The following TMTC1 variants were observed in gnomAD, a reference collection of about 807,000 sequenced individuals.
The protein encoded by TMTC1 is transmembrane O-mannosyltransferase targeting cadherins 1, also known as protein O-mannosyl-transferase TMTC1.
Under a neutral mutation model 104.8 loss-of-function variants are expected in TMTC1, and 73 were observed. The observed-to-expected ratio is 0.70, with a 90% CI of 0.58 to 0.85. TMTC1 has a LOEUF of 0.85. Ranked by LOEUF, TMTC1 falls within the 40% of genes least tolerant of loss-of-function variation. The probability of loss-of-function intolerance (pLI) is 0.00; values close to 1 mark genes in which losing one functional copy is unlikely to be tolerated. For synonymous variants in TMTC1, 434 were observed against 428.7 expected, an observed-to-expected ratio of 1.01 and a Z score of -0.15; for missense variants, 1,035 against 1,096.1, an observed-to-expected ratio of 0.94 and a Z score of 0.79.
chr12:29,774,687 A>G (rs962080289), intron 1 of TMTC1, among the ~76,000 whole-genome samples: 1 of 152,152 alleles, frequency 6.6e-6, no homozygotes. Context: ...TCAACCAATA[A>G]ATAACAACAT....
At chr12:29,661,419 A>AT (rs773889232) in intron 5 of TMTC1, 29,029 of 369,778 alleles carry the variant, frequency 0.079, 178 homozygotes, top group African/African-American at 0.089. Context: ...AGGTTAAGTA[A>AT]TTTTTTTTTT....
chr12:29,598,134 C>A (rs1049033880), intron 7 of TMTC1, among the ~76,000 whole-genome samples: 2 of 152,158 alleles, frequency 1.3e-5, no homozygotes, highest in South Asian at 2.1e-4. Context: ...GATAGGGCTG[C>A]GTGGAGTCCT....
chr12:29,611,294 TACCTTTC>T (rs1946840559), intron 6 of TMTC1, among the ~76,000 whole-genome samples: 2 of 152,132 alleles, frequency 1.3e-5, no homozygotes, highest in South Asian at 4.1e-4. Context: ...CAACAGCAAT[TACCTTTC>T]AGAATTAAGT....
intron 5 of TMTC1, among the ~76,000 whole-genome samples, chr12:29,679,915 T>A (rs1025795446): frequency 6.6e-6 from 1 of 152,082 alleles, no homozygotes; most frequent in Non-Finnish European, 1.5e-5. Flanking sequence ...ATAAACTATA[T>A]AAAGTAGGTT....
At chr12:29,599,134 A>C (rs1946486933) in intron 7 of TMTC1, among the ~76,000 whole-genome samples, 1 of 152,228 alleles carries the variant, frequency 6.6e-6, no homozygotes. Flanking sequence ...GCTACCATCA[A>C]CTACTTCTGC....
chr12:29,691,721 A>G (rs967522264), intron 5 of TMTC1, among the ~76,000 whole-genome samples: 1 of 51,232 alleles, frequency 2.0e-5, no homozygotes, highest in African/African-American at 1.9e-4. Flanking sequence ...CAAAAGTAGG[A>G]AAAAAAAAAA....
At chr12:29,609,421 G>A (rs372537554) in intron 6 of TMTC1, among the ~76,000 whole-genome samples, 4 of 152,124 alleles carry the variant, frequency 2.6e-5, no homozygotes, top group African/African-American at 9.7e-5. Context: ...GTTAGACTAC[G>A]GATTCCTTGA....
chr12:29,598,560 C>G (rs1342569496), intron 7 of TMTC1, among the ~76,000 whole-genome samples: 1 of 152,136 alleles, frequency 6.6e-6, no homozygotes, highest in Non-Finnish European at 1.5e-5. Context: ...TTTTATTTCT[C>G]AAAAAAGTTC....
At chr12:29,619,308 T>C (rs1337654706) in intron 6 of TMTC1, among the ~76,000 whole-genome samples, 1 of 152,114 alleles carries the variant, frequency 6.6e-6, no homozygotes, top group African/African-American at 2.4e-5. Context: ...TTGCCAGGCC[T>C]AGATCAAAAG....
intron 6 of TMTC1, among the ~76,000 whole-genome samples, chr12:29,618,772 A>T (rs1591813935): frequency 6.6e-6 from 1 of 152,138 alleles, no homozygotes; most frequent in Admixed American, 6.6e-5. Context: ...TACATATATC[A>T]GGGTTTTCTC....
chr12:29,712,670 A>T (rs1941961119), intron 5 of TMTC1, among the ~76,000 whole-genome samples: 1 of 152,248 alleles, frequency 6.6e-6, no homozygotes, highest in Non-Finnish European at 1.5e-5. Flanking sequence ...TCTACATTCA[A>T]TCTGCTGCTA....
At chr12:29,651,547 T>A (rs759073305) in intron 5 of TMTC1, among the ~76,000 whole-genome samples, 6 of 152,170 alleles carry the variant, frequency 3.9e-5, no homozygotes, top group Non-Finnish European at 5.9e-5. Flanking sequence ...ACTTAGCCAT[T>A]CCAGATGGCA....
At chr12:29,719,421 G>GT (rs1312973550) in intron 5 of TMTC1, among the ~76,000 whole-genome samples, 2 of 152,244 alleles carry the variant, frequency 1.3e-5, no homozygotes, top group East Asian at 1.9e-4. Flanking sequence ...TCCACTTGAA[G>GT]TTTTTTTGGA....
At chr12:29,665,909 T>C (rs1024001620) in intron 5 of TMTC1, among the ~76,000 whole-genome samples, 5 of 152,150 alleles carry the variant, frequency 3.3e-5, no homozygotes, top group South Asian at 2.1e-4. Context: ...TTATTCATGA[T>C]GTTTTCTCTT....
chr12:29,642,270 T>C (rs1938887123), intron 5 of TMTC1, among the ~76,000 whole-genome samples: 1 of 152,182 alleles, frequency 6.6e-6, no homozygotes, highest in Admixed American at 6.6e-5. Flanking sequence ...AAAAGATCTT[T>C]GCCTAGGCAC....
At chr12:29,603,132 C>G (rs1946610802) in intron 7 of TMTC1, among the ~76,000 whole-genome samples, 1 of 152,090 alleles carries the variant, frequency 6.6e-6, no homozygotes, top group African/African-American at 2.4e-5. Context: ...ATCTCCTTCC[C>G]AAATTGGGCT....
intron 9 of TMTC1, among the ~76,000 whole-genome samples, chr12:29,558,687 G>A (rs1945305897): frequency 6.6e-6 from 1 of 152,304 alleles, no homozygotes; most frequent in African/African-American, 2.4e-5. Flanking sequence ...AGCACACTGA[G>A]CCAGCACACG....
At chr12:29,543,297 T>C (rs1009095423) in intron 10 of TMTC1, among the ~76,000 whole-genome samples, 2 of 152,220 alleles carry the variant, frequency 1.3e-5, no homozygotes, top group Non-Finnish European at 2.9e-5. Flanking sequence ...TTTCGCCACA[T>C]TTTTCTTTTA....
chr12:29,702,213 G>A (rs1291301764), intron 5 of TMTC1, among the ~76,000 whole-genome samples: 1 of 152,036 alleles, frequency 6.6e-6, no homozygotes, highest in African/African-American at 2.4e-5. Context: ...TTTCTAATAT[G>A]AAACATTACA....
Sources: gnomAD v4.1 joint callset for allele counts (sites outside exome capture counted in the v4.1 genomes callset) on GRCh38, gnomAD v4.1.1 for gene constraint, MANE v1.5 for transcripts, NCBI Gene and HGNC (gene_info 2026-07-23, HGNC 2026-07-21) for gene names.